Variants in SERGEF observed in about 807,000 individuals in gnomAD.
SERGEF encodes the protein secretion regulating guanine nucleotide exchange factor.
In SERGEF, 51 loss-of-function variants were observed where a neutral mutation model predicts 50.0. The ratio of observed to expected loss-of-function variants is 1.02; its 90% confidence interval spans 0.81 to 1.29. SERGEF has a LOEUF of 1.29. SERGEF is among the 50% of genes most tolerant of loss of function. The probability of loss-of-function intolerance (pLI) is 0.00; values close to 1 mark genes in which losing one functional copy is unlikely to be tolerated. For missense variants in SERGEF, 521 were observed against 557.0 expected, an observed-to-expected ratio of 0.94 and a Z score of 0.65; for synonymous variants, 205 against 212.4, an observed-to-expected ratio of 0.97 and a Z score of 0.30.
chr11:17,835,524 GTATATGT>G (rs2133857734), intron 10 of SERGEF, among the ~76,000 whole-genome samples: 1 of 152,298 alleles, frequency 6.6e-6, no homozygotes, highest in Admixed American at 6.5e-5. Flanking sequence ...AGTCAAGCAT[GTATATGT>G]TATATCTCCC....
At chr11:17,817,760 G>A (rs1287979416) in intron 10 of SERGEF, among the ~76,000 whole-genome samples, 2 of 152,198 alleles carry the variant, frequency 1.3e-5, no homozygotes, top group African/African-American at 4.8e-5. Context: ...ACTGAGGTTT[G>A]AGCACTCTGC....
intron 7 of SERGEF, among the ~76,000 whole-genome samples, chr11:17,990,039 A>G (rs1853680125): frequency 6.6e-6 from 1 of 152,248 alleles, no homozygotes; most frequent in Non-Finnish European, 1.5e-5. Flanking sequence ...CACATGGCTA[A>G]TAAGGAGTCA....
At chr11:17,885,440 G>C (rs559501744) in intron 9 of SERGEF, among the ~76,000 whole-genome samples, 112 of 152,156 alleles carry the variant, frequency 7.4e-4, no homozygotes, top group African/African-American at 2.6e-3. Context: ...TTCTGCCTTA[G>C]CTTCCTGAGT....
chr11:17,822,861 G>A (rs1335390357), intron 10 of SERGEF, among the ~76,000 whole-genome samples: 1 of 152,082 alleles, frequency 6.6e-6, no homozygotes, highest in African/African-American at 2.4e-5. Context: ...ATAGCTTTAG[G>A]TTTACAGAAA....
At chr11:17,958,636 C>A (rs1852925233) in intron 9 of SERGEF, among the ~76,000 whole-genome samples, 1 of 152,140 alleles carries the variant, frequency 6.6e-6, no homozygotes, top group South Asian at 2.1e-4. Context: ...GGTTCCAGCC[C>A]ATCTTTCTGA....
chr11:17,849,586 T>C (rs780013278), intron 10 of SERGEF, among the ~76,000 whole-genome samples: 4 of 149,370 alleles, frequency 2.7e-5, no homozygotes, highest in Non-Finnish European at 1.5e-5. Context: ...GTAGTAGACA[T>C]CTTGGTAGAC....
intron 8 of SERGEF, among the ~76,000 whole-genome samples, chr11:17,966,000 C>T (rs1371909510): frequency 6.6e-6 from 1 of 152,214 alleles, no homozygotes; most frequent in East Asian, 1.9e-4. Context: ...AACTGAACAA[C>T]ACAGCCTTAT....
intron 8 of SERGEF, among the ~76,000 whole-genome samples, chr11:17,977,618 A>G (rs1853404485): frequency 6.6e-6 from 1 of 152,162 alleles, no homozygotes; most frequent in African/African-American, 2.4e-5. Context: ...GCTGCTACAG[A>G]CTGAATGGTT....
chr11:17,910,187 A>ACTCTCTCTCT (rs1341010777), intron 9 of SERGEF, among the ~76,000 whole-genome samples: 61 of 119,672 alleles, frequency 5.1e-4, no homozygotes, highest in African/African-American at 1.8e-3. Context: ...ACACACACAC[A>ACTCTCTCTCT]CACACACTCT....
At chr11:17,889,710 A>G (rs557386270) in intron 9 of SERGEF, among the ~76,000 whole-genome samples, 1 of 152,326 alleles carries the variant, frequency 6.6e-6, no homozygotes, top group South Asian at 2.1e-4. Flanking sequence ...TCAACGTTAA[A>G]TTGTTTTAAA....
chr11:17,922,146 A>G (rs1852169059), intron 9 of SERGEF, among the ~76,000 whole-genome samples: 1 of 152,238 alleles, frequency 6.6e-6, no homozygotes, highest in Non-Finnish European at 1.5e-5. Context: ...TTCAGGAAAC[A>G]GAGTGTCCTT....
intron 5 of SERGEF, among the ~76,000 whole-genome samples, chr11:17,996,750 C>A (rs1853845215): frequency 6.6e-6 from 1 of 151,402 alleles, no homozygotes; most frequent in African/African-American, 2.4e-5. Context: ...CCACTGAGCA[C>A]AATGTGAGCA....
At chr11:17,903,181 T>C (rs868077779) in intron 9 of SERGEF, among the ~76,000 whole-genome samples, 2 of 152,194 alleles carry the variant, frequency 1.3e-5, no homozygotes, top group African/African-American at 4.8e-5. Flanking sequence ...AGCTCTAAGA[T>C]AGATAATTCA....
chr11:17,925,268 G>A (rs6486400), intron 9 of SERGEF, among the ~76,000 whole-genome samples: 2 of 536 alleles, frequency 3.7e-3, no homozygotes, highest in African/African-American at 9.1e-3. Context: ...CACATCACAA[G>A]GGCACCACGA....
rs1305581649 is a variant in SERGEF at position 17,896,760 on chromosome 11, GAAGGGAAGGGT to G, written c.1012-18527_1012-18517del. Among the ~76,000 whole-genome samples, 87 of 60,108 alleles carry G rather than the reference GAAGGGAAGGGT, an allele frequency of 1.4e-3. 1 individual carries two copies. The highest frequency in any genetic ancestry group is 2.8e-3 in the African/African-American group (52 of 18,340). 39.4% of individuals were successfully genotyped at this position (60,108 alleles called of 152,430 possible). ...ACGGAAGGGTAACGGAAGGGTAAGG[GAAGGGAAGGGT>G]AAGGGAAGGGTAAGGGAAGGGTAAG... On this transcript the variant is annotated intron_variant, in intron 9 of 10. Coordinates refer to ENST00000265965, the MANE Select transcript of SERGEF (RefSeq NM_012139.4).
chr11:17,850,716 ATGGC>A (rs1850695596), intron 10 of SERGEF, among the ~76,000 whole-genome samples: 2 of 152,208 alleles, frequency 1.3e-5, no homozygotes, highest in Admixed American at 6.5e-5. Context: ...TCTGGTAATC[ATGGC>A]TCCCTGGGAT....
intron 9 of SERGEF, among the ~76,000 whole-genome samples, chr11:17,958,404 C>G (rs996459787): frequency 1.3e-5 from 2 of 152,070 alleles, no homozygotes; most frequent in Non-Finnish European, 2.9e-5. Flanking sequence ...TCTAAAAAAT[C>G]TAGCCTTTTC....
intron 9 of SERGEF, among the ~76,000 whole-genome samples, chr11:17,954,006 C>T (rs923790452): frequency 2.0e-5 from 3 of 152,206 alleles, no homozygotes; most frequent in Admixed American, 2.0e-4. Flanking sequence ...GTGCACACTA[C>T]TACCCATTTT....
chr11:17,812,526 G>A (rs1489591797), intron 10 of SERGEF, among the ~76,000 whole-genome samples: 1 of 152,220 alleles, frequency 6.6e-6, no homozygotes, highest in Non-Finnish European at 1.5e-5. Context: ...TAGAATGGCA[G>A]TTCATAGCAG....
Sources: gnomAD v4.1 joint callset for allele counts (sites outside exome capture counted in the v4.1 genomes callset) on GRCh38, gnomAD v4.1.1 for gene constraint, MANE v1.5 for transcripts, NCBI Gene and HGNC (gene_info 2026-07-23, HGNC 2026-07-21) for gene names.